The following ACSS3 variants were observed in gnomAD, a reference collection of about 807,000 sequenced individuals.
ACSS3 encodes the protein acyl-CoA synthetase short chain family member 3, also known as acyl-CoA synthetase short-chain family member 3, mitochondrial.
A neutral mutation model predicts 84.2 loss-of-function variants in ACSS3; 64 were observed. That is an observed-to-expected ratio of 0.76 (90% CI 0.62 to 0.94). ACSS3 has a LOEUF of 0.94. ACSS3 is among the 40% of genes least tolerant of loss of function. The pLI, the probability that ACSS3 is intolerant of heterozygous loss-of-function variation, is 0.00. For missense variants in ACSS3, 815 were observed against 867.6 expected, an observed-to-expected ratio of 0.94 and a Z score of 0.76; for synonymous variants, 317 against 310.1, an observed-to-expected ratio of 1.02 and a Z score of -0.23.
intron 5 of ACSS3, among the ~76,000 whole-genome samples, chr12:81,149,561 G>T (rs1213075361): frequency 6.6e-6 from 1 of 152,054 alleles, no homozygotes; most frequent in Non-Finnish European, 1.5e-5. Flanking sequence ...TATTATCTGA[G>T]CATTTGAGAG....
chr12:81,234,796 C>A (rs1450286785), intron 13 of ACSS3, among the ~76,000 whole-genome samples: 2 of 151,136 alleles, frequency 1.3e-5, no homozygotes, highest in African/African-American at 4.8e-5. Context: ...ATTCTATATA[C>A]AAGTCCTTTA....
Position 81,216,967 on chromosome 12 carries a change from A to C in ACSS3, c.1421A>C (p.Gln474Pro). Residue 474 changes from glutamine to proline, a missense_variant, in exon 10 of 16, where the codon CAA (glutamine) becomes CCA (proline). Transcript: ENST00000548058. ...LGNSKTPPPG[Q>P]AGKSVPGYNV... ...AATTCTAAAACACCTCCACCAGGGCAAGCAGGAAAAAGCGTCCCAGGATAC... is the reference window on the plus strand; with the variant it reads ...AATTCTAAAACACCTCCACCAGGGCCAGCAGGAAAAAGCGTCCCAGGATAC... 1 of 1,611,026 alleles carries C rather than the reference A, an allele frequency of 6.2e-7. No homozygotes were observed.
chr12:81,131,943 A>G (rs1352211192), intron 2 of ACSS3, among the ~76,000 whole-genome samples: 1 of 152,140 alleles, frequency 6.6e-6, no homozygotes, highest in Non-Finnish European at 1.5e-5. Context: ...TGATTTGCCT[A>G]TGTTGAACCA....
At chr12:81,230,763 G>A (rs1433836314) in intron 11 of ACSS3, among the ~76,000 whole-genome samples, 1 of 151,752 alleles carries the variant, frequency 6.6e-6, no homozygotes, top group Non-Finnish European at 1.5e-5. Context: ...TTTTTTTGCA[G>A]ATATTATGTT....
chr12:81,141,898 T>C (rs1886111058), intron 4 of ACSS3, among the ~76,000 whole-genome samples: 1 of 152,216 alleles, frequency 6.6e-6, no homozygotes, highest in Non-Finnish European at 1.5e-5. Context: ...GGCCTGAAAC[T>C]TCAACTTGAT....
intron 9 of ACSS3, among the ~76,000 whole-genome samples, chr12:81,216,567 G>A (rs2032923177): frequency 6.6e-6 from 1 of 152,140 alleles, no homozygotes; most frequent in Non-Finnish European, 1.5e-5. Flanking sequence ...TTAGCTTTTA[G>A]TGTGTGTTAT....
At chr12:81,233,317 G>T in intron 12 of ACSS3, 32 bp from the exon 13 acceptor site, 2 of 1,602,252 alleles carry the variant, frequency 1.2e-6, no homozygotes, top group Non-Finnish European at 1.7e-6. Context: ...AACAGTACAT[G>T]CTAATCAAAT....
chr12:81,144,898 CTTTTCTTTTTTT>C (rs1886253114), intron 5 of ACSS3, among the ~76,000 whole-genome samples: 1 of 84,392 alleles, frequency 1.2e-5, no homozygotes. Flanking sequence ...TCTTTTTTTT[CTTTTCTTTTTTT>C]TTTTTTTTTT....
chr12:81,191,710 T>G (rs542722053), intron 8 of ACSS3, among the ~76,000 whole-genome samples: 1 of 152,308 alleles, frequency 6.6e-6, no homozygotes, highest in East Asian at 1.9e-4. Context: ...CTTCTTAAAC[T>G]TTGATACTTT....
At chr12:81,117,457 T>C (rs1025402038) in intron 2 of ACSS3, among the ~76,000 whole-genome samples, 5 of 152,210 alleles carry the variant, frequency 3.3e-5, no homozygotes, top group Admixed American at 1.3e-4. Context: ...CATTTGAGCA[T>C]AGACTGAAAT....
intron 1 of ACSS3, among the ~76,000 whole-genome samples, chr12:81,096,787 A>G (rs2121378467): frequency 6.6e-6 from 1 of 152,324 alleles, no homozygotes; most frequent in African/African-American, 2.4e-5. Context: ...ATGTCCCTGC[A>G]AAGGACATGA....
At chr12:81,099,398 A>G (rs907052231) in intron 1 of ACSS3, among the ~76,000 whole-genome samples, 1 of 152,224 alleles carries the variant, frequency 6.6e-6, no homozygotes, top group African/African-American at 2.4e-5. Context: ...TAATAAATAC[A>G]TGCAAAGTGC....
rs571894689 is a variant in ACSS3 at position 81,163,356 on chromosome 12, C to T, written c.1098+11260C>T. ...ATTTCCTATCATCATAATGTTGTCA[C>T]ACATTGCATTTCTCACGTTTGTGAT... On this transcript the variant is annotated intron_variant, in intron 7 of 15. Transcript: ENST00000548058. Among the ~76,000 whole-genome samples the T allele has an allele frequency of 3.9e-5, 6 of 152,284 alleles. No individual in the cohort carries two copies. In the East Asian group the frequency reaches 1.2e-3, roughly 29 times the overall value.
chr12:81,096,662 C>T (rs559398822), intron 1 of ACSS3, among the ~76,000 whole-genome samples: 6 of 151,882 alleles, frequency 4.0e-5, no homozygotes, highest in African/African-American at 1.5e-4. Context: ...TGATGTTCCC[C>T]TCCCTGTGCC....
At position 81,241,556 on chromosome 12, in the gene ACSS3, TG is replaced by T. The variant is rs775873595; in HGVS notation, c.1719+8087del. Among the ~76,000 whole-genome samples the T allele has an allele frequency of 1.1e-3, 164 of 152,342 alleles. 3 individuals are homozygous for T. The highest frequency in any genetic ancestry group is 6.1e-3 in the Admixed American group (93 of 15,302). The stretch of plus-strand genomic sequence containing the variant: ...ACTGGTATGAGATGATATCTCATTG[TG>T]GTTTTGATTTGCATTTCTCTGATGG... On this transcript the variant is annotated intron_variant, in intron 13 of 15. Coordinates refer to ENST00000548058, the MANE Select transcript of ACSS3 (RefSeq NM_024560.4).
Position 81,078,134 on chromosome 12 carries a change from G to A in ACSS3, c.14G>A (p.Trp5Ter). 1 of 1,489,918 alleles carries A rather than the reference G, an allele frequency of 6.7e-7. No individual in the cohort carries two copies. The highest frequency in any genetic ancestry group is 8.9e-7 in the Non-Finnish European group (1 of 1,123,072). The allele number at this position is 1,489,918 out of a possible 1,614,324, so 92.3% of individuals were successfully genotyped here. The part of the protein sequence containing the change: MKPS[W>*]LQCRKVTSAG... ...TGGCCGGAGGAGATGAAACCGTCTTGGCTGCAGTGTCGTAAAGTCACCAGC... is the reference window on the plus strand; with the variant it reads ...TGGCCGGAGGAGATGAAACCGTCTTAGCTGCAGTGTCGTAAAGTCACCAGC... Residue 5 changes from tryptophan to a stop codon, truncating the protein, a stop_gained, in exon 1 of 16, where the codon TGG becomes TAG. Transcript: ENST00000548058. LOFTEE classifies it high-confidence loss of function.
chr12:81,119,407 A>G (rs754737999), intron 2 of ACSS3, among the ~76,000 whole-genome samples: 1 of 152,110 alleles, frequency 6.6e-6, no homozygotes, highest in Non-Finnish European at 1.5e-5. Flanking sequence ...AGGGTTTGAG[A>G]GCAGAGAACC....
intron 2 of ACSS3, among the ~76,000 whole-genome samples, chr12:81,111,867 G>A (rs926133795): frequency 6.6e-6 from 1 of 152,114 alleles, no homozygotes; most frequent in Non-Finnish European, 1.5e-5. Flanking sequence ...CAAACAAGGG[G>A]AATTTCAGTC....
Position 81,260,366 on chromosome 12 carries a change from C to G in ACSS3, c.*5444C>G, listed in dbSNP as rs1406686539. ...AAAAAACAGATTGCAAATAGAGTAACTCTACCCATCACTTAAGAGCTAAGA... is the reference window on the plus strand; with the variant it reads ...AAAAAACAGATTGCAAATAGAGTAAGTCTACCCATCACTTAAGAGCTAAGA... On this transcript the variant is annotated 3_prime_UTR_variant, in exon 16 of 16. Coordinates refer to ENST00000548058, the MANE Select transcript of ACSS3 (RefSeq NM_024560.4). 1 of 152,144 alleles carries G rather than the reference C, an allele frequency of 6.6e-6. No individual in the cohort carries two copies. Among genetic ancestry groups the G allele is most frequent in the African/African-American group, 2.4e-5 (1 of 41,450 alleles). 9.4% of individuals were successfully genotyped at this position (152,144 alleles called of 1,614,324 possible). A position where few individuals can be genotyped will look rare whatever the true frequency, so the allele number is the denominator to read the frequency against.
Sources: gnomAD v4.1 joint callset for allele counts (sites outside exome capture counted in the v4.1 genomes callset) on GRCh38, gnomAD v4.1.1 for gene constraint, MANE v1.5 for transcripts, NCBI Gene and HGNC (gene_info 2026-07-23, HGNC 2026-07-21) for gene names.